Variants in AGTPBP1 observed in about 807,000 individuals in gnomAD.
AGTPBP1 encodes the protein ATP/GTP binding carboxypeptidase 1.
In AGTPBP1, 70 loss-of-function variants were observed where a neutral mutation model predicts 143.9. The ratio of observed to expected loss-of-function variants is 0.49; its 90% CI spans 0.40 to 0.59. The LOEUF (loss-of-function observed/expected upper bound fraction) is 0.59. AGTPBP1 is among the 20% of genes least tolerant of loss of function. The pLI is 0.00. For missense variants in AGTPBP1, 1,229 were observed against 1,464.5 expected (o/e 0.84, Z 2.62); for synonymous variants, 463 against 500.2 (o/e 0.93, Z 0.99).
the AGTPBP1 span, among the ~76,000 whole-genome samples, chr9:85,772,161 A>T: frequency 6.8e-6 from 1 of 147,806 alleles, no homozygotes; most frequent in East Asian, 2.0e-4. Context: ...TTTTTAGTAG[A>T]GATGGGGTTT....
intron 14 of AGTPBP1, among the ~76,000 whole-genome samples, chr9:85,623,386 C>A (rs1366873426): frequency 6.6e-6 from 1 of 152,018 alleles, no homozygotes; most frequent in East Asian, 1.9e-4. Context: ...TTCTGGGGGA[C>A]ATAATTGCCC....
At chr9:85,658,208 A>G (rs1388535628) in intron 9 of AGTPBP1, among the ~76,000 whole-genome samples, 1 of 152,138 alleles carries the variant, frequency 6.6e-6, no homozygotes, top group Non-Finnish European at 1.5e-5. Context: ...TCATTAAAAA[A>G]TACTTCCGTA....
At chr9:85,552,485 AGCAAAACACTGCCCATG>A (rs1483437183) in intron 25 of AGTPBP1, among the ~76,000 whole-genome samples, 8 of 152,200 alleles carry the variant, frequency 5.3e-5, no homozygotes, top group Admixed American at 4.6e-4. Flanking sequence ...GCATGATGAA[AGCAAAACACTGCCCATG>A]GAGTTGGAAA....
intron 25 of AGTPBP1, among the ~76,000 whole-genome samples, chr9:85,559,147 T>C (rs551061420): frequency 1.3e-5 from 2 of 152,238 alleles, no homozygotes; most frequent in Non-Finnish European, 2.9e-5. Context: ...AGCTATTTGC[T>C]TTTATGAGTC....
intron 2 of AGTPBP1, among the ~76,000 whole-genome samples, chr9:85,699,328 T>C (rs1273900589): frequency 1.3e-5 from 2 of 152,132 alleles, no homozygotes; most frequent in Non-Finnish European, 2.9e-5. Context: ...ATTTGTTTCA[T>C]TGTATTGGTC....
chr9:85,795,453 C>G, the AGTPBP1 span, among the ~76,000 whole-genome samples: 4 of 152,200 alleles, frequency 2.6e-5, no homozygotes, highest in Non-Finnish European at 1.5e-5. Context: ...AAAGAACATA[C>G]AGCCTGTTGA....
the AGTPBP1 span, chr9:85,791,575 T>C: frequency 6.6e-6 from 1 of 152,072 alleles, no homozygotes; most frequent in Non-Finnish European, 1.5e-5. Flanking sequence ...GAGGTTTATT[T>C]GAAAGCATTC....
intron 2 of AGTPBP1, among the ~76,000 whole-genome samples, chr9:85,707,161 A>C (rs1325119531): frequency 2.0e-5 from 3 of 152,174 alleles, no homozygotes; most frequent in African/African-American, 7.2e-5. Flanking sequence ...GGATCAAAGA[A>C]AAATCAAAAG....
intron 8 of AGTPBP1, among the ~76,000 whole-genome samples, chr9:85,668,857 C>T (rs73478972): frequency 1.3e-5 from 2 of 150,924 alleles, no homozygotes; most frequent in Non-Finnish European, 3.0e-5. Context: ...TAAAGAAAGA[C>T]CTCTAAAATG....
intron 1 of AGTPBP1, among the ~76,000 whole-genome samples, chr9:85,733,524 A>C (rs62570622): frequency 0.015 from 2,254 of 152,296 alleles, 25 homozygotes; most frequent in Middle Eastern, 0.037. Flanking sequence ...AGGAAGACAG[A>C]TCTCAAAACA....
intron 19 of AGTPBP1, among the ~76,000 whole-genome samples, chr9:85,590,176 G>GT (rs779422163): frequency 2.0e-5 from 3 of 151,966 alleles, no homozygotes; most frequent in Non-Finnish European, 4.4e-5. Flanking sequence ...CGGGTTTGTT[G>GT]TAAAATGTCT....
the AGTPBP1 span, among the ~76,000 whole-genome samples, chr9:85,775,044 T>G: frequency 2.0e-5 from 3 of 152,296 alleles, no homozygotes; most frequent in Non-Finnish European, 2.9e-5. Context: ...GGCTCATCCC[T>G]GTAATCCCAG....
intron 10 of AGTPBP1, among the ~76,000 whole-genome samples, chr9:85,656,333 A>G (rs984304004): frequency 2.0e-5 from 3 of 152,254 alleles, no homozygotes; most frequent in Admixed American, 1.3e-4. Flanking sequence ...AAGGCTCAGA[A>G]ATGTTAAGTG....
Position 85,596,428 on chromosome 9 carries a change from G to A in AGTPBP1, c.2357C>T (p.Ser786Leu), listed in dbSNP as rs1301788639. 1 of 1,605,590 alleles carries A rather than the reference G, an allele frequency of 6.2e-7. No individual in the cohort carries two copies. The highest frequency in any genetic ancestry group is 1.3e-5 in the African/African-American group (1 of 74,874). Reference sequence around the variant, plus strand: ...TCTGGCATTTAATGCTTCCTGAACCGAATACATGAGTGGTTGCATACCTTT... The same window carrying A: ...TCTGGCATTTAATGCTTCCTGAACCAAATACATGAGTGGTTGCATACCTTT... ...FNYGMQPLMY[S>L]VQEALNARPW... Residue 786 changes from serine (S) to leucine (L), a missense_variant, in exon 18 of 26, where the codon TCG becomes TTG. Physicochemically the swap from Ser to Leu is moderately radical, Grantham distance 145. This residue lies in a region of AGTPBP1 where 486 missense variants were observed against 652.3 expected (regional missense o/e 0.75). Transcript: ENST00000357081.
chr9:85,671,777 A>G (rs1169283095), intron 7 of AGTPBP1, among the ~76,000 whole-genome samples: 4 of 152,126 alleles, frequency 2.6e-5, no homozygotes, highest in Non-Finnish European at 2.9e-5. Flanking sequence ...TCTCTCTGTG[A>G]GCCCTCTTCT....
chr9:85,569,564 A>G (rs1442510187), intron 25 of AGTPBP1, among the ~76,000 whole-genome samples: 1 of 152,028 alleles, frequency 6.6e-6, no homozygotes, highest in Non-Finnish European at 1.5e-5. Flanking sequence ...CACAATCAGA[A>G]CCTCCCTCAT....
At chr9:85,764,389 A>G in the AGTPBP1 span, among the ~76,000 whole-genome samples, 127,469 of 141,296 alleles carry the variant, frequency 0.9, 57,282 homozygotes, top group East Asian at 0.96. Flanking sequence ...AATTAGCTGC[A>G]CATGGTGATG....
chr9:85,746,062 A>G (rs376786702), upstream of AGTPBP1, among the ~76,000 whole-genome samples: 29 of 152,200 alleles, frequency 1.9e-4, no homozygotes, highest in African/African-American at 6.5e-4. Context: ...GCAGATCAAC[A>G]GGAAAGCCCA....
chr9:85,566,529 C>CAAAAA (rs72129899), intron 25 of AGTPBP1, among the ~76,000 whole-genome samples: 5,314 of 78,080 alleles, frequency 0.068, 357 homozygotes, highest in African/African-American at 0.11. Flanking sequence ...GACCATGTCT[C>CAAAAA]AAAAAAAAAA....
Sources: gnomAD v4.1 joint callset for allele counts (sites outside exome capture counted in the v4.1 genomes callset) on GRCh38, gnomAD v4.1.1 for gene constraint, gnomAD v4.1.1 regional missense constraint, MANE v1.5 for transcripts, NCBI Gene and HGNC (gene_info 2026-07-23, HGNC 2026-07-21) for gene names.